Variants in CADM2 observed in about 807,000 individuals in gnomAD.
CADM2 encodes the protein cell adhesion molecule 2.
In CADM2, 12 loss-of-function variants were observed where a neutral mutation model predicts 49.8. The ratio of observed to expected loss-of-function variants is 0.24; its 90% CI spans 0.15 to 0.39. The LOEUF is 0.39. CADM2 is among the 10% of genes least tolerant of loss of function. CADM2 has a pLI of 1.00. For missense variants in CADM2, 378 were observed against 492.3 expected (o/e 0.77, Z 2.20); for synonymous variants, 214 against 175.4 (o/e 1.22, Z -1.74).
At chr3:85,913,557 G>A (rs565534012) in intron 6 of CADM2, among the ~76,000 whole-genome samples, 1 of 151,956 alleles carries the variant, frequency 6.6e-6, no homozygotes, top group South Asian at 2.1e-4. Context: ...TTTTTTAGTG[G>A]CACTATGTAA....
At chr3:85,214,733 C>T (rs922339348) in intron 1 of CADM2, among the ~76,000 whole-genome samples, 1 of 152,070 alleles carries the variant, frequency 6.6e-6, no homozygotes, top group East Asian at 1.9e-4. Context: ...CCATGGCCAC[C>T]ATTGTCCCCA....
intron 1 of CADM2, among the ~76,000 whole-genome samples, chr3:85,283,970 A>C (rs2043565804): frequency 6.6e-6 from 1 of 152,164 alleles, no homozygotes; most frequent in East Asian, 1.9e-4. Context: ...ATAATTTACC[A>C]CAGTGTTGAG....
intron 1 of CADM2, among the ~76,000 whole-genome samples, chr3:85,449,052 A>AAAAAAAAAAAATAAT (rs71617939): frequency 9.3e-6 from 1 of 107,406 alleles, no homozygotes; most frequent in Non-Finnish European, 2.1e-5. Context: ...TCCAACTCAA[A>AAAAAAAAAAAATAAT]AATAATAATA....
intron 1 of CADM2, among the ~76,000 whole-genome samples, chr3:85,432,862 C>T (rs556591719): frequency 6.6e-6 from 1 of 152,090 alleles, no homozygotes; most frequent in South Asian, 2.1e-4. Context: ...GTATTTTAAT[C>T]TTTATGTCCA....
chr3:85,347,580 C>CAT (rs1161617352), intron 1 of CADM2, among the ~76,000 whole-genome samples: 32 of 109,214 alleles, frequency 2.9e-4, no homozygotes, highest in African/African-American at 1.2e-3. Flanking sequence ...AATATATATA[C>CAT]ATATATACAT....
intron 1 of CADM2, chr3:85,511,899 G>A: frequency 3.1e-6 from 3 of 978,466 alleles, no homozygotes; most frequent in Non-Finnish European, 3.6e-6. Flanking sequence ...CTGCATCAAG[G>A]TAAAACAAGA....
chr3:85,940,164 CAA>C (rs10527231), intron 7 of CADM2, among the ~76,000 whole-genome samples: 2,669 of 52,106 alleles, frequency 0.051, 30 homozygotes, highest in South Asian at 0.1. Context: ...ACTAAAAATA[CAA>C]AAAAAAAAAA....
chr3:85,594,969 C>G (rs1317771433), intron 1 of CADM2, among the ~76,000 whole-genome samples: 2 of 152,018 alleles, frequency 1.3e-5, no homozygotes, highest in Non-Finnish European at 2.9e-5. Context: ...GAAACCTAGA[C>G]AGCAGCCCAG....
intron 1 of CADM2, among the ~76,000 whole-genome samples, chr3:85,538,935 G>A (rs934200882): frequency 6.6e-6 from 1 of 151,944 alleles, no homozygotes; most frequent in East Asian, 1.9e-4. Context: ...GGAGGCAGAA[G>A]AATTTGAAAT....
chr3:85,487,623 T>C (rs1440410273), intron 1 of CADM2, among the ~76,000 whole-genome samples: 3 of 122,496 alleles, frequency 2.4e-5, no homozygotes, highest in Non-Finnish European at 3.5e-5. Context: ...GAGGAGGAAG[T>C]GGAGGAGGAG....
intron 1 of CADM2, among the ~76,000 whole-genome samples, chr3:85,433,324 A>G (rs999240104): frequency 6.6e-6 from 1 of 152,022 alleles, no homozygotes; most frequent in Non-Finnish European, 1.5e-5. Flanking sequence ...GTATATATTC[A>G]TTTATCTTTG....
intron 2 of CADM2, among the ~76,000 whole-genome samples, chr3:85,792,073 C>A (rs939642455): frequency 1.3e-5 from 2 of 152,096 alleles, no homozygotes; most frequent in Admixed American, 1.3e-4. Flanking sequence ...TCTCCTGATC[C>A]ATTTAGCATT....
chr3:85,655,103 G>A (rs961510203), intron 1 of CADM2, among the ~76,000 whole-genome samples: 2 of 151,544 alleles, frequency 1.3e-5, no homozygotes, highest in African/African-American at 2.4e-5. Flanking sequence ...GGCATGCTTT[G>A]CTAAAACCAC....
intron 3 of CADM2, among the ~76,000 whole-genome samples, chr3:85,878,785 G>A (rs1712301598): frequency 6.6e-6 from 1 of 152,038 alleles, no homozygotes; most frequent in Non-Finnish European, 1.5e-5. Context: ...ATGTTATATA[G>A]GTTCCAAAAT....
chr3:86,007,241 A>G (rs1270645760), intron 8 of CADM2, among the ~76,000 whole-genome samples: 4 of 152,092 alleles, frequency 2.6e-5, no homozygotes, highest in East Asian at 1.9e-4. Flanking sequence ...TATGTAAAGT[A>G]TGCCTCTATT....
intron 1 of CADM2, among the ~76,000 whole-genome samples, chr3:85,170,663 A>G (rs377476487): frequency 5.9e-5 from 9 of 152,174 alleles, no homozygotes; most frequent in South Asian, 2.1e-4. Flanking sequence ...AAAATTCTTC[A>G]TGGCTTTTCT....
intron 8 of CADM2, among the ~76,000 whole-genome samples, chr3:86,060,213 C>G (rs757383246): frequency 4.8e-5 from 7 of 146,548 alleles, no homozygotes; most frequent in Non-Finnish European, 1.0e-4. Context: ...CAGATCAAAT[C>G]GTTTTAATGT....
chr3:85,834,322 A>ATG (rs1361534058), intron 3 of CADM2, among the ~76,000 whole-genome samples: 2 of 151,682 alleles, frequency 1.3e-5, no homozygotes, highest in African/African-American at 4.8e-5. Context: ...AATATTCTAT[A>ATG]TATAAATCAA....
At chr3:85,884,653 T>A (rs1455708450) in intron 4 of CADM2, among the ~76,000 whole-genome samples, 1 of 152,036 alleles carries the variant, frequency 6.6e-6, no homozygotes, top group African/African-American at 2.4e-5. Context: ...GTTATGTTAA[T>A]TTTTCATGTA....
Sources: gnomAD v4.1 joint callset for allele counts (sites outside exome capture counted in the v4.1 genomes callset) on GRCh38, gnomAD v4.1.1 for gene constraint, MANE v1.5 for transcripts, NCBI Gene and HGNC (gene_info 2026-07-23, HGNC 2026-07-21) for gene names.